The following ARMH4 variants were observed in gnomAD, a reference collection of about 807,000 sequenced individuals.
ARMH4 encodes armadillo like helical domain containing 4.
Under a neutral mutation model 61.9 loss-of-function variants are expected in ARMH4, and 49 were observed. The ratio of observed to expected loss-of-function variants is 0.79; its 90% CI spans 0.63 to 1.00. The LOEUF is 1.00. ARMH4 is among the 50% of genes least tolerant of loss of function. The pLI is 0.00. For missense variants in ARMH4, 934 were observed against 930.0 expected, an observed-to-expected ratio of 1.00 and a Z score of -0.06; for synonymous variants, 368 against 341.5, an observed-to-expected ratio of 1.08 and a Z score of -0.85.
At chr14:58,130,490 G>A (rs1225603928) in intron 4 of ARMH4, among the ~76,000 whole-genome samples, 1 of 152,202 alleles carries the variant, frequency 6.6e-6, no homozygotes, top group African/African-American at 2.4e-5. Context: ...GCTTACCAGT[G>A]TTCCAGATTA....
intron 5 of ARMH4, among the ~76,000 whole-genome samples, chr14:58,091,555 GAAAT>G (rs1885564904): frequency 6.6e-6 from 1 of 152,130 alleles, no homozygotes; most frequent in African/African-American, 2.4e-5. Flanking sequence ...GAAGAATAAA[GAAAT>G]GAATCACCAG....
At chr14:58,090,136 A>T (rs1885509378) in intron 5 of ARMH4, among the ~76,000 whole-genome samples, 1 of 152,170 alleles carries the variant, frequency 6.6e-6, no homozygotes, top group South Asian at 2.1e-4. Flanking sequence ...CCAATGTTAG[A>T]TGTAGACTTT....
intron 5 of ARMH4, among the ~76,000 whole-genome samples, chr14:58,087,121 A>G (rs1284073564): frequency 1.3e-5 from 2 of 152,132 alleles, no homozygotes; most frequent in East Asian, 3.8e-4. Context: ...TAAATCTCTG[A>G]TTCCTTGTTT....
chr14:58,011,722 G>A (rs1434583720), intron 6 of ARMH4, among the ~76,000 whole-genome samples: 1 of 150,078 alleles, frequency 6.7e-6, no homozygotes, highest in Non-Finnish European at 1.5e-5. Flanking sequence ...CCTACTAAGT[G>A]GCAGCACTGT....
intron 1 of ARMH4, among the ~76,000 whole-genome samples, chr14:58,149,538 G>A (rs113088855): frequency 2.6e-4 from 40 of 152,320 alleles, no homozygotes; most frequent in Middle Eastern, 3.4e-3. Flanking sequence ...TACCATCCCT[G>A]AAGACCACAC....
chr14:58,141,641 T>C, intron 1 of ARMH4: 1 of 414,138 alleles, frequency 2.4e-6, no homozygotes. Flanking sequence ...ACCAACAACC[T>C]GTACCCCAGG....
chr14:58,127,414 A>C (rs569072709), intron 4 of ARMH4, among the ~76,000 whole-genome samples: 6 of 152,296 alleles, frequency 3.9e-5, no homozygotes, highest in African/African-American at 1.4e-4. Flanking sequence ...GCTGTCATAT[A>C]AGATGTAACT....
chr14:58,086,258 T>C (rs1195612973), intron 5 of ARMH4, among the ~76,000 whole-genome samples: 1 of 152,166 alleles, frequency 6.6e-6, no homozygotes, highest in Non-Finnish European at 1.5e-5. Context: ...GAAGAATCAC[T>C]CAAAGTTCAT....
chr14:58,020,523 G>A (rs566560610), intron 5 of ARMH4, among the ~76,000 whole-genome samples: 47 of 152,094 alleles, frequency 3.1e-4, no homozygotes, highest in African/African-American at 1.1e-3. Context: ...CTATGACTCT[G>A]TGTCTGGATG....
intron 5 of ARMH4, among the ~76,000 whole-genome samples, chr14:58,076,049 AAAG>A (rs963875527): frequency 2.8e-4 from 42 of 151,012 alleles, no homozygotes; most frequent in African/African-American, 8.5e-4. Flanking sequence ...AAAGAGGAAG[AAAG>A]AAGAAGGAGG....
At chr14:58,118,689 T>C (rs886741656) in intron 4 of ARMH4, among the ~76,000 whole-genome samples, 1 of 152,104 alleles carries the variant, frequency 6.6e-6, no homozygotes, top group African/African-American at 2.4e-5. Flanking sequence ...CCCTAGAAAC[T>C]CATTAGTGAA....
intron 1 of ARMH4, among the ~76,000 whole-genome samples, chr14:58,144,668 C>A (rs755586811): frequency 6.6e-6 from 1 of 152,170 alleles, no homozygotes; most frequent in East Asian, 1.9e-4. Flanking sequence ...GAGATTGAGA[C>A]CATCCTGGCT....
At chr14:58,113,405 T>C (rs540543396) in intron 4 of ARMH4, among the ~76,000 whole-genome samples, 13 of 152,334 alleles carry the variant, frequency 8.5e-5, no homozygotes, top group Middle Eastern at 3.4e-3. Flanking sequence ...ATTTTTGCTT[T>C]TTCAAATAAT....
chr14:58,075,319 G>A (rs547630799), intron 5 of ARMH4, among the ~76,000 whole-genome samples: 13 of 152,112 alleles, frequency 8.5e-5, no homozygotes, highest in African/African-American at 2.7e-4. Context: ...TGTTTATTGC[G>A]GCACTGTTCA....
intron 6 of ARMH4, among the ~76,000 whole-genome samples, chr14:58,010,246 GTA>G (rs10541219): frequency 0.53 from 80,070 of 151,506 alleles, 21,283 homozygotes; most frequent in East Asian, 0.66. Flanking sequence ...GAAGATATAT[GTA>G]TATATATATA....
intron 5 of ARMH4, among the ~76,000 whole-genome samples, chr14:58,070,747 C>G (rs141090296): frequency 6.6e-6 from 1 of 152,110 alleles, no homozygotes; most frequent in Non-Finnish European, 1.5e-5. Flanking sequence ...TTAAAATGTA[C>G]GATTAAATTA....
intron 5 of ARMH4, among the ~76,000 whole-genome samples, chr14:58,085,218 TA>T (rs1885341575): frequency 2.0e-5 from 3 of 152,280 alleles, no homozygotes; most frequent in Admixed American, 1.3e-4. Flanking sequence ...CCATTTTGAC[TA>T]CTTTCTCCAT....
At chr14:58,016,021 T>C (rs1882598833) in intron 5 of ARMH4, among the ~76,000 whole-genome samples, 1 of 151,808 alleles carries the variant, frequency 6.6e-6, no homozygotes, top group Non-Finnish European at 1.5e-5. Flanking sequence ...GGATACAGCT[T>C]TTCAAAGGTA....
At chr14:58,045,507 AT>A (rs1883903159) in intron 5 of ARMH4, among the ~76,000 whole-genome samples, 1 of 152,100 alleles carries the variant, frequency 6.6e-6, no homozygotes, top group African/African-American at 2.4e-5. Context: ...GATATACCTA[AT>A]GTAAATGACG....
Sources: gnomAD v4.1 joint callset for allele counts (sites outside exome capture counted in the v4.1 genomes callset) on GRCh38, gnomAD v4.1.1 for gene constraint, MANE v1.5 for transcripts, NCBI Gene and HGNC (gene_info 2026-07-23, HGNC 2026-07-21) for gene names.